ADGRB3: variants seen among roughly 807,000 people sequenced by gnomAD.
ADGRB3 encodes the protein adhesion G protein-coupled receptor B3.
Under a neutral mutation model 193.4 loss-of-function variants are expected in ADGRB3, and 37 were observed. That is an observed-to-expected ratio of 0.19 (90% CI 0.15 to 0.25). The LOEUF (loss-of-function observed/expected upper bound fraction) is 0.25, where lower values mean the gene tolerates loss of function less well. Among genes scored for constraint, ADGRB3 ranks in the 10% least tolerant of loss-of-function variants. ADGRB3 has a pLI of 1.00. For missense variants in ADGRB3, 1,637 were observed against 1,852.9 expected, an observed-to-expected ratio of 0.88 and a Z score of 2.14; for synonymous variants, 690 against 644.2, an observed-to-expected ratio of 1.07 and a Z score of -1.08.
intron 17 of ADGRB3, among the ~76,000 whole-genome samples, chr6:69,143,743 G>T (rs1455248330): frequency 6.6e-6 from 1 of 152,048 alleles, no homozygotes; most frequent in Non-Finnish European, 1.5e-5. Context: ...TGGTTTATGT[G>T]TCTGTTTTAA....
At chr6:68,915,245 C>A (rs766722985) in intron 3 of ADGRB3, among the ~76,000 whole-genome samples, 5 of 152,056 alleles carry the variant, frequency 3.3e-5, no homozygotes, top group Admixed American at 6.6e-5. Context: ...CTCTTGAAAC[C>A]TCATCAGCTT....
At chr6:69,301,727 C>T (rs1767952837) in intron 20 of ADGRB3, among the ~76,000 whole-genome samples, 1 of 151,820 alleles carries the variant, frequency 6.6e-6, no homozygotes, top group Admixed American at 6.6e-5. Flanking sequence ...CCAGTAATGA[C>T]CATTGTAGAA....
chr6:68,757,078 A>G (rs1021921911), intron 3 of ADGRB3, among the ~76,000 whole-genome samples: 8 of 152,102 alleles, frequency 5.3e-5, no homozygotes, highest in African/African-American at 1.4e-4. Flanking sequence ...TTTGTTGATA[A>G]TTACTTCAAC....
intron 17 of ADGRB3, among the ~76,000 whole-genome samples, chr6:69,090,194 G>A (rs1050853017): frequency 6.6e-6 from 1 of 152,120 alleles, no homozygotes; most frequent in African/African-American, 2.4e-5. Context: ...AATATTACAT[G>A]TATTTCAGTT....
Position 69,388,994 on chromosome 6 carries a change from C to G in ADGRB3, c.*103C>G, listed in dbSNP as rs1770136589. ...TCTGGACAGTGTGACTATCTTATGT[C>G]AGGACCTTCATGTGCCAAACGTCAG... On this transcript the variant is annotated 3_prime_UTR_variant, in exon 32 of 32. Transcript: ENST00000370598. The G allele has an allele frequency of 8.4e-7, 1 of 1,191,150 alleles. No homozygotes were observed. The highest frequency in any genetic ancestry group is 2.7e-5 in the Admixed American group (1 of 37,018). 73.8% of individuals were successfully genotyped at this position (1,191,150 alleles called of 1,614,324 possible).
At chr6:68,938,392 T>G (rs1219080471) in intron 5 of ADGRB3, among the ~76,000 whole-genome samples, 1 of 151,224 alleles carries the variant, frequency 6.6e-6, no homozygotes, top group Non-Finnish European at 1.5e-5. Flanking sequence ...TTTTTTAAAC[T>G]GGCAGGTAAC....
In ADGRB3 at chr6:68,974,862, C is replaced by T; in HGVS notation, c.1625C>T (p.Thr542Ile). The T allele has an allele frequency of 6.2e-7, 1 of 1,612,656 alleles. No homozygotes were observed. Among genetic ancestry groups the T allele is most frequent in the Non-Finnish European group, 8.5e-7 (1 of 1,178,764 alleles). Residue 542 changes from threonine (T) to isoleucine (I), a missense_variant and splice_region_variant, in exon 9 of 32, where the codon ACA (threonine) becomes ATA (isoleucine). Coordinates refer to ENST00000370598, the MANE Select transcript of ADGRB3 (RefSeq NM_001704.3). ...LAFNQCPLNATGTTSRRCSLS... is the reference protein window; with the variant it reads ...LAFNQCPLNAIGTTSRRCSLS... ...TTCAATCAATGTCCCCTGAATGCCA[C>T]AGGTACAGTAGGATGACCCACCCAA...
chr6:68,779,978 A>T (rs1334243440), intron 3 of ADGRB3, among the ~76,000 whole-genome samples: 2 of 152,104 alleles, frequency 1.3e-5, no homozygotes, highest in Non-Finnish European at 2.9e-5. Flanking sequence ...AATGACTTTC[A>T]GCTTGAAGAA....
intron 20 of ADGRB3, among the ~76,000 whole-genome samples, chr6:69,249,004 G>A (rs1490370805): frequency 6.6e-6 from 1 of 152,140 alleles, no homozygotes; most frequent in Non-Finnish European, 1.5e-5. Flanking sequence ...TTGAAATGGA[G>A]TTTTGCTTTG....
At chr6:69,303,742 G>A (rs1295761885) in intron 20 of ADGRB3, among the ~76,000 whole-genome samples, 2 of 151,866 alleles carry the variant, frequency 1.3e-5, no homozygotes, top group Non-Finnish European at 2.9e-5. Flanking sequence ...TTTAAAAATT[G>A]TGCATAAAAC....
chr6:68,707,585 GT>G (rs1401888823), intron 3 of ADGRB3, among the ~76,000 whole-genome samples: 1 of 152,022 alleles, frequency 6.6e-6, no homozygotes, highest in African/African-American at 2.4e-5. Flanking sequence ...TTAAAATACA[GT>G]TTTCTGTATT....
At chr6:69,229,897 A>G (rs1382640110) in intron 17 of ADGRB3, among the ~76,000 whole-genome samples, 4 of 152,164 alleles carry the variant, frequency 2.6e-5, no homozygotes, top group East Asian at 1.9e-4. Context: ...AAAGTAATAG[A>G]CTTTGTGTCT....
chr6:68,868,786 A>G (rs1765375685), intron 3 of ADGRB3, among the ~76,000 whole-genome samples: 1 of 152,310 alleles, frequency 6.6e-6, no homozygotes, highest in East Asian at 1.9e-4. Context: ...TTCTGTGTAG[A>G]CATATGCCAG....
intron 26 of ADGRB3, among the ~76,000 whole-genome samples, chr6:69,346,296 A>C (rs574539737): frequency 9.2e-5 from 14 of 152,332 alleles, no homozygotes; most frequent in African/African-American, 2.6e-4. Context: ...CCTAAGCAAA[A>C]AGAACAAAGC....
chr6:69,067,245 G>A lies in ADGRB3; in HGVS notation c.2436+4209G>A, dbSNP rs549503543. Among the ~76,000 whole-genome samples the A allele has an allele frequency of 8.3e-4, 127 of 152,190 alleles. 1 individual carries two copies. The highest frequency in any genetic ancestry group is 3.0e-3 in the African/African-American group (124 of 41,536). Reference sequence around the variant, plus strand: ...GGGTTGAGATAAATGCGTTATGTTTGTAGTTCTCAAATTGATCTAATGAAA... The same window carrying A: ...GGGTTGAGATAAATGCGTTATGTTTATAGTTCTCAAATTGATCTAATGAAA... On this transcript the variant is annotated intron_variant, in intron 16 of 31. Coordinates refer to ENST00000370598, the MANE Select transcript of ADGRB3 (RefSeq NM_001704.3).
chr6:69,172,643 C>CAAAGAAAA (rs1775305462), intron 17 of ADGRB3, among the ~76,000 whole-genome samples: 1 of 26,828 alleles, frequency 3.7e-5, no homozygotes, highest in African/African-American at 1.6e-4. Flanking sequence ...GACTCTGTCT[C>CAAAGAAAA]AAAAAAAAAA....
At chr6:68,777,008 G>T (rs933837398) in intron 3 of ADGRB3, among the ~76,000 whole-genome samples, 3 of 152,088 alleles carry the variant, frequency 2.0e-5, no homozygotes, top group African/African-American at 7.2e-5. Flanking sequence ...CCATTTAGCT[G>T]CTTGATTATA....
At chr6:68,718,774 A>G (rs1765526748) in intron 3 of ADGRB3, among the ~76,000 whole-genome samples, 1 of 151,708 alleles carries the variant, frequency 6.6e-6, no homozygotes, top group African/African-American at 2.4e-5. Flanking sequence ...GTGCTAATCT[A>G]TCAGCTAGAG....
intron 15 of ADGRB3, among the ~76,000 whole-genome samples, chr6:69,057,299 T>C (rs1441370598): frequency 1.3e-5 from 2 of 152,150 alleles, no homozygotes; most frequent in Admixed American, 6.5e-5. Flanking sequence ...TTAATGTGTG[T>C]CTGTGTGTAA....
Sources: gnomAD v4.1 joint callset for allele counts (sites outside exome capture counted in the v4.1 genomes callset) on GRCh38, gnomAD v4.1.1 for gene constraint, MANE v1.5 for transcripts, NCBI Gene and HGNC (gene_info 2026-07-23, HGNC 2026-07-21) for gene names.